The following EPS15L1 variants were observed in gnomAD, a reference collection of about 807,000 sequenced individuals.
EPS15L1 encodes epidermal growth factor receptor pathway substrate 15 like 1, also known as epidermal growth factor receptor substrate 15-like 1.
A neutral mutation model predicts 117.1 loss-of-function variants in EPS15L1; 43 were observed. The observed-to-expected ratio is 0.37, with a 90% CI of 0.29 to 0.47. The LOEUF (loss-of-function observed/expected upper bound fraction) is 0.47. EPS15L1 is among the 20% of genes least tolerant of loss of function. The probability of loss-of-function intolerance (pLI) is 0.99; values close to 1 mark genes in which losing one functional copy is unlikely to be tolerated. For missense variants in EPS15L1, 981 were observed against 1,164.0 expected (o/e 0.84, Z 2.29); for synonymous variants, 459 against 470.5 (o/e 0.98, Z 0.32).
intron 22 of EPS15L1, among the ~76,000 whole-genome samples, chr19:16,364,757 G>A (rs544310196): frequency 1.3e-5 from 2 of 152,150 alleles, no homozygotes; most frequent in African/African-American, 4.8e-5. Context: ...GTCCACTGGA[G>A]CAGAAGGGGC....
At position 16,365,189 on chromosome 19, in the gene EPS15L1, A is replaced by G. The variant is rs1274029251; in HGVS notation, c.2381-3205T>C. On this transcript the variant is annotated intron_variant, in intron 22 of 23. Coordinates refer to ENST00000455140, the MANE Select transcript of EPS15L1 (RefSeq NM_001258374.3). The surrounding 1 kb of genome is among the most constrained non-coding windows in gnomAD (Gnocchi z 4.9). ...GCCCTGGGGCTGGGAGTGGCCCTGGAAGACGGTGTGGGGCATGGCGGCCAC... is the reference window on the plus strand; with the variant it reads ...GCCCTGGGGCTGGGAGTGGCCCTGGGAGACGGTGTGGGGCATGGCGGCCAC... Among the ~76,000 whole-genome samples the G allele has an allele frequency of 6.6e-6, 1 of 152,186 alleles. No individual in the cohort carries two copies. The highest frequency in any genetic ancestry group is 1.9e-4 in the East Asian group (1 of 5,200).
intron 23 of EPS15L1, among the ~76,000 whole-genome samples, chr19:16,358,657 G>C (rs373866540): frequency 6.6e-6 from 1 of 152,196 alleles, no homozygotes; most frequent in Non-Finnish European, 1.5e-5. Context: ...TAGACAGCTC[G>C]GCACGCTGGG....
At chr19:16,385,350 A>C (rs769679301) in intron 20 of EPS15L1, 139 bp from the exon 21 acceptor site, 139 of 705,690 alleles carry the variant, frequency 2.0e-4, no homozygotes, top group Non-Finnish European at 3.1e-4. Flanking sequence ...GTGTGTCTGC[A>C]TGAAGGCCTC....
chr19:16,401,208 G>C, intron 16 of EPS15L1: 1 of 985,470 alleles, frequency 1.0e-6, no homozygotes. Context: ...TGCACCCAGC[G>C]GGGGCCAGAC....
chr19:16,395,412 T>C lies in EPS15L1; in HGVS notation c.1847A>G (p.His616Arg). 1 of 1,613,696 alleles carries C rather than the reference T, an allele frequency of 6.2e-7. No homozygotes were observed. The highest frequency in any genetic ancestry group is 8.5e-7 in the Non-Finnish European group (1 of 1,179,610). The change falls in exon 17 of 24, where the codon CAT becomes CGT. Residue 616 changes from histidine (H) to arginine (R), a missense_variant. His to Arg is a conservative substitution (Grantham distance 29). Coordinates refer to ENST00000455140, the MANE Select transcript of EPS15L1 (RefSeq NM_001258374.3). The stretch of plus-strand genomic sequence containing the variant: ...GTCTTCTGTCTGGAAAGGATCCGGA[T>C]GCAACTCTTGCGTGTTGTTGCTAAA... ...LLFSNNTQELHPDPFQTEDPF... is the reference protein window; with the variant it reads ...LLFSNNTQELRPDPFQTEDPF...
intron 17 of EPS15L1, among the ~76,000 whole-genome samples, chr19:16,394,644 GAC>G (rs1433662700): frequency 1.3e-5 from 2 of 152,194 alleles, no homozygotes; most frequent in African/African-American, 2.4e-5. Context: ...TGTGGCTCTG[GAC>G]AGACTCCTAA....
chr19:16,367,753 CAAAAAAAAAA>C (rs60689307), intron 22 of EPS15L1, among the ~76,000 whole-genome samples: 1 of 50,732 alleles, frequency 2.0e-5, no homozygotes, highest in Admixed American at 2.2e-4. Context: ...GGGTGCAAAG[CAAAAAAAAAA>C]AAAAAAAAAC....
At chr19:16,394,056 G>C (rs559999026) in intron 17 of EPS15L1, 55 bp from the exon 18 acceptor site, 13 of 1,559,034 alleles carry the variant, frequency 8.3e-6, no homozygotes, top group African/African-American at 4.1e-5. Context: ...GATGCGGGCC[G>C]GGCCCTTGGA....
intron 12 of EPS15L1, 140 bp from the exon 13 acceptor site, chr19:16,413,985 G>A (rs894179234): frequency 7.6e-6 from 5 of 656,132 alleles, no homozygotes; most frequent in African/African-American, 1.8e-5. Flanking sequence ...GCGACTGCTC[G>A]CCCTGTACAG....
At chr19:16,395,321 A>T (rs1460487577) in intron 17 of EPS15L1, 23 bp downstream of exon 17, 1 of 1,607,858 alleles carries the variant, frequency 6.2e-7, no homozygotes, top group Non-Finnish European at 8.5e-7. Flanking sequence ...TTTCAATGAG[A>T]AAGTGGGTAG....
intron 1 of EPS15L1, among the ~76,000 whole-genome samples, chr19:16,443,735 AT>A (rs1267594640): frequency 2.6e-5 from 4 of 151,332 alleles, no homozygotes; most frequent in African/African-American, 9.7e-5. Context: ...AAAAATAATA[AT>A]GCCCGGATTA....
At chr19:16,455,552 C>T (rs1304637638) in intron 1 of EPS15L1, among the ~76,000 whole-genome samples, 2 of 149,426 alleles carry the variant, frequency 1.3e-5, no homozygotes, top group Non-Finnish European at 3.0e-5. Flanking sequence ...TGCCCAGCTC[C>T]ATCTACACCT....
Position 16,382,823 on chromosome 19 carries a change from G to A in EPS15L1, c.2247+2306C>T, listed in dbSNP as rs542072057. ...TGCAGGCCCGAAGAGCCTCCCAAAGGAAACTTCTAGAATCAGGCTGTGGGC... is the reference window on the plus strand; with the variant it reads ...TGCAGGCCCGAAGAGCCTCCCAAAGAAAACTTCTAGAATCAGGCTGTGGGC... On this transcript the variant is annotated intron_variant, in intron 21 of 23. Transcript: ENST00000455140. Among the ~76,000 whole-genome samples, 3 of 152,232 alleles carry A rather than the reference G, an allele frequency of 2.0e-5. No individual in the cohort carries two copies. In the East Asian group the frequency reaches 5.8e-4, roughly 29 times the overall value.
intron 1 of EPS15L1, among the ~76,000 whole-genome samples, chr19:16,468,698 G>T (rs2093324048): frequency 6.7e-6 from 1 of 149,424 alleles, no homozygotes. Flanking sequence ...AAGGTTTTTG[G>T]AACAGGGGAA....
intron 22 of EPS15L1, among the ~76,000 whole-genome samples, chr19:16,363,696 T>A (rs1433228236): frequency 6.6e-6 from 1 of 152,210 alleles, no homozygotes; most frequent in African/African-American, 2.4e-5. Flanking sequence ...GTGACATTCC[T>A]GGGGTCCAGG....
chr19:16,428,785 G>T (rs923327216), intron 7 of EPS15L1, 24 bp from the exon 8 acceptor site: 1 of 1,593,984 alleles, frequency 6.3e-7, no homozygotes, highest in Non-Finnish European at 8.6e-7. Context: ...ACCAGCATGG[G>T]TAACTGTGGG....
chr19:16,421,564 C>T, intron 9 of EPS15L1, 88 bp from the exon 10 acceptor site: 1 of 1,351,600 alleles, frequency 7.4e-7, no homozygotes, highest in Non-Finnish European at 1.0e-6. Context: ...GATTAAAGCA[C>T]TTCCATGCAC....
At chr19:16,459,782 G>A (rs1485141245) in intron 1 of EPS15L1, among the ~76,000 whole-genome samples, 1 of 152,178 alleles carries the variant, frequency 6.6e-6, no homozygotes, top group African/African-American at 2.4e-5. Context: ...AAGAATGGTG[G>A]GCGGGGAGGG....
intron 1 of EPS15L1, among the ~76,000 whole-genome samples, chr19:16,455,121 C>T (rs535703542): frequency 6.0e-4 from 91 of 151,384 alleles, no homozygotes; most frequent in African/African-American, 2.1e-3. Context: ...AAGAGCGAAA[C>T]TCCATCTCAA....
Sources: allele counts gnomAD v4.1 joint callset (sites outside exome capture counted in the v4.1 genomes callset), GRCh38; gene constraint gnomAD v4.1.1; non-coding constraint Gnocchi (gnomAD v3.1); transcripts MANE v1.5; gene names NCBI Gene and HGNC (gene_info 2026-07-23, HGNC 2026-07-21).